The following ERC2 variants were observed in gnomAD, a reference collection of about 807,000 sequenced individuals.
ERC2 encodes ELKS/RAB6-interacting/CAST family member 2, also known as ERC protein 2.
In ERC2, 42 loss-of-function variants were observed where a neutral mutation model predicts 114.8. The ratio of observed to expected loss-of-function variants is 0.37; its 90% CI spans 0.29 to 0.47. The LOEUF is 0.47. ERC2 is among the 20% of genes least tolerant of loss of function. The pLI, the probability that ERC2 is intolerant of heterozygous loss-of-function variation, is 0.99. For synonymous variants in ERC2, 454 were observed against 425.5 expected (o/e 1.07, Z -0.82); for missense variants, 939 against 1,150.7 (o/e 0.82, Z 2.66).
At chr3:56,436,678 A>G (rs1317499706) in intron 1 of ERC2, among the ~76,000 whole-genome samples, 1 of 152,160 alleles carries the variant, frequency 6.6e-6, no homozygotes, top group Non-Finnish European at 1.5e-5. Context: ...CATGGTAGCT[A>G]GTTTAGTGAT....
chr3:56,001,954 T>C (rs2072103147), intron 10 of ERC2, among the ~76,000 whole-genome samples: 1 of 152,120 alleles, frequency 6.6e-6, no homozygotes, highest in Non-Finnish European at 1.5e-5. Flanking sequence ...TCTTCACATC[T>C]CCACTGTCCT....
intron 3 of ERC2, among the ~76,000 whole-genome samples, chr3:56,276,299 T>C (rs909679568): frequency 8.5e-5 from 13 of 152,116 alleles, no homozygotes; most frequent in African/African-American, 3.1e-4. Flanking sequence ...ACAAATTTTA[T>C]AATTTCCTGT....
At chr3:56,395,653 G>A (rs2060279226) in intron 2 of ERC2, among the ~76,000 whole-genome samples, 1 of 152,164 alleles carries the variant, frequency 6.6e-6, no homozygotes, top group South Asian at 2.1e-4. Context: ...TTGGCCCTCT[G>A]CAATGATTGA....
chr3:56,015,022 TA>T (rs1165107881), intron 8 of ERC2, among the ~76,000 whole-genome samples: 3 of 152,194 alleles, frequency 2.0e-5, no homozygotes, highest in African/African-American at 7.2e-5. Flanking sequence ...CCTGAAGTTA[TA>T]ATCTTTCAAT....
chr3:56,221,394 CAAA>C (rs34151708), intron 3 of ERC2, among the ~76,000 whole-genome samples: 6 of 135,232 alleles, frequency 4.4e-5, no homozygotes, highest in African/African-American at 5.6e-5. Context: ...GTCATCTCAC[CAAA>C]AAAAAAAAAA....
chr3:55,695,915 T>C (rs2062904244), intron 16 of ERC2, among the ~76,000 whole-genome samples: 1 of 152,242 alleles, frequency 6.6e-6, no homozygotes, highest in Non-Finnish European at 1.5e-5. Context: ...TATATGACTT[T>C]TTAGATCCTT....
At chr3:56,198,869 C>T (rs150180105) in intron 3 of ERC2, among the ~76,000 whole-genome samples, 8 of 152,300 alleles carry the variant, frequency 5.3e-5, no homozygotes, top group East Asian at 1.9e-4. Context: ...GCCACCACAA[C>T]AACTCCCAAC....
chr3:56,245,630 G>A (rs553804982), intron 3 of ERC2, among the ~76,000 whole-genome samples: 27 of 151,562 alleles, frequency 1.8e-4, no homozygotes, highest in African/African-American at 5.6e-4. Context: ...TGCAATCTCC[G>A]CCTCCTGGGT....
intron 15 of ERC2, among the ~76,000 whole-genome samples, chr3:55,701,195 A>G (rs1264016544): frequency 6.6e-6 from 1 of 152,226 alleles, no homozygotes. Context: ...TTTTTCACAT[A>G]CAATCTAACT....
At chr3:56,430,473 C>T (rs921139810) in intron 2 of ERC2, among the ~76,000 whole-genome samples, 1 of 152,220 alleles carries the variant, frequency 6.6e-6, no homozygotes, top group African/African-American at 2.4e-5. Context: ...CCTTGCCCCA[C>T]TGTCCTCCAT....
chr3:55,578,039 C>T (rs1382687309), intron 17 of ERC2, among the ~76,000 whole-genome samples: 1 of 152,202 alleles, frequency 6.6e-6, no homozygotes, highest in African/African-American at 2.4e-5. Flanking sequence ...AAACAGCAGG[C>T]TCTAAACAAG....
chr3:55,554,984 C>G (rs1435562301), intron 17 of ERC2, among the ~76,000 whole-genome samples: 1 of 152,200 alleles, frequency 6.6e-6, no homozygotes. Flanking sequence ...CCCTGGCTCT[C>G]AGACAGAAAC....
chr3:55,996,523 T>C (rs1489223627), intron 10 of ERC2, among the ~76,000 whole-genome samples: 4 of 152,180 alleles, frequency 2.6e-5, no homozygotes, highest in Admixed American at 2.6e-4. Context: ...CTCTCAAGCA[T>C]CTTATAGAAA....
At chr3:56,448,154 A>G (rs185432001) in intron 1 of ERC2, among the ~76,000 whole-genome samples, 153 of 152,294 alleles carry the variant, frequency 1.0e-3, no homozygotes, top group Non-Finnish European at 1.6e-3. Context: ...TAATCCGTAT[A>G]TGACCCAAAA....
At chr3:55,616,957 G>A (rs1575786038) in intron 17 of ERC2, among the ~76,000 whole-genome samples, 1 of 152,206 alleles carries the variant, frequency 6.6e-6, no homozygotes, top group South Asian at 2.1e-4. Context: ...GTGTGAAGGA[G>A]TTAGGCGTTA....
chr3:55,641,156 A>C (rs1468751979), intron 17 of ERC2, among the ~76,000 whole-genome samples: 1 of 152,212 alleles, frequency 6.6e-6, no homozygotes, highest in Non-Finnish European at 1.5e-5. Flanking sequence ...GGGGGAAAAC[A>C]AAGCCAAAAG....
intron 17 of ERC2, among the ~76,000 whole-genome samples, chr3:55,605,973 A>G (rs2058623799): frequency 6.6e-6 from 1 of 151,078 alleles, no homozygotes; most frequent in Admixed American, 6.6e-5. Context: ...ACTCAGAGCC[A>G]ACAGATGAGA....
chr3:56,318,961 C>CAAAAAAAA (rs35256298), intron 2 of ERC2, among the ~76,000 whole-genome samples: 3 of 81,562 alleles, frequency 3.7e-5, no homozygotes, highest in Non-Finnish European at 7.2e-5. Flanking sequence ...GACCCTGTCT[C>CAAAAAAAA]AAAAAAAAAA....
intron 14 of ERC2, among the ~76,000 whole-genome samples, chr3:55,831,891 C>T (rs1235539848): frequency 6.6e-6 from 1 of 152,206 alleles, no homozygotes. Flanking sequence ...AAAATCGGGT[C>T]ACTCCCACCC....
Sources: gnomAD v4.1 joint callset for allele counts (sites outside exome capture counted in the v4.1 genomes callset) on GRCh38, gnomAD v4.1.1 for gene constraint, MANE v1.5 for transcripts, NCBI Gene and HGNC (gene_info 2026-07-23, HGNC 2026-07-21) for gene names.